The following SLC4A10 variants were observed in gnomAD, a reference collection of about 807,000 sequenced individuals.
SLC4A10 encodes the protein sodium-driven chloride bicarbonate exchanger.
In SLC4A10, 42 loss-of-function variants were observed where a neutral mutation model predicts 137.7. That is an observed-to-expected ratio of 0.30 (90% CI 0.24 to 0.39). SLC4A10 has a LOEUF of 0.39. Ranked by LOEUF, SLC4A10 falls within the 10% of genes least tolerant of loss-of-function variation. The probability of loss-of-function intolerance (pLI) is 1.00; values close to 1 mark genes in which losing one functional copy is unlikely to be tolerated. For synonymous variants in SLC4A10, 474 were observed against 464.1 expected, an observed-to-expected ratio of 1.02 and a Z score of -0.27; for missense variants, 925 against 1,355.0, an observed-to-expected ratio of 0.68 and a Z score of 4.98.
chr2:161,961,440 G>C (rs1459238952), intron 21 of SLC4A10, among the ~76,000 whole-genome samples: 1 of 151,924 alleles, frequency 6.6e-6, no homozygotes, highest in Non-Finnish European at 1.5e-5. Context: ...GATTTAATTT[G>C]CTCATTTAAA....
In SLC4A10 at chr2:161,778,714, T is replaced by C. The variant is rs184915095; in HGVS notation, c.130+7660T>C. 2.1e-3 allele frequency among the ~76,000 whole-genome samples: 314 copies of C among 152,032 alleles called. 2 individuals are homozygous for C. The highest frequency in any genetic ancestry group is 0.01 in the Middle Eastern group (3 of 294). ...GGAATTCATAAAAGTATAACTTTAATGAAAAAGTTAAAATAATAATAAAAT... is the reference window on the plus strand; with the variant it reads ...GGAATTCATAAAAGTATAACTTTAACGAAAAAGTTAAAATAATAATAAAAT... On this transcript the variant is annotated intron_variant, in intron 2 of 26. Coordinates refer to ENST00000446997, the MANE Select transcript of SLC4A10 (RefSeq NM_001178015.2).
At chr2:161,980,334 T>C (rs1203087667) in intron 26 of SLC4A10, among the ~76,000 whole-genome samples, 1 of 151,788 alleles carries the variant, frequency 6.6e-6, no homozygotes, top group Non-Finnish European at 1.5e-5. Context: ...CTCTCATGAC[T>C]TCTTGGAAAT....
intron 15 of SLC4A10, 74 bp downstream of exon 15, chr2:161,905,961 G>C: frequency 8.0e-6 from 12 of 1,496,526 alleles, no homozygotes; most frequent in Non-Finnish European, 1.1e-5. Context: ...AGAAATATGA[G>C]GAAATTACTC....
intron 2 of SLC4A10, among the ~76,000 whole-genome samples, chr2:161,783,403 A>C (rs1266111254): frequency 6.6e-6 from 1 of 151,984 alleles, no homozygotes; most frequent in South Asian, 2.1e-4. Context: ...ACTAAACAGC[A>C]ACAAGATAGC....
intron 6 of SLC4A10, among the ~76,000 whole-genome samples, chr2:161,867,515 A>G (rs1202085555): frequency 6.6e-6 from 1 of 152,058 alleles, no homozygotes; most frequent in Non-Finnish European, 1.5e-5. Context: ...GAAAATCAAG[A>G]TGACATTGTT....
In SLC4A10 at chr2:161,824,903, T is replaced by C. The variant is rs189932032; in HGVS notation, c.278-14886T>C. 3.3e-5 allele frequency among the ~76,000 whole-genome samples: 5 copies of C among 152,286 alleles called. No individual in the cohort carries two copies. The East Asian group carries it at 9.6e-4, about 29-fold the overall frequency. ...CCTCCCCTTCTACCTTTTCTGCCTCTGCCACTCCTGAGATAGCAAGACCAA... is the reference window on the plus strand; with the variant it reads ...CCTCCCCTTCTACCTTTTCTGCCTCCGCCACTCCTGAGATAGCAAGACCAA... On this transcript the variant is annotated intron_variant, in intron 3 of 26. Transcript: ENST00000446997.
rs372896544 is a variant in SLC4A10 at position 161,712,284 on chromosome 2, T to C, written c.49-58689T>C. On this transcript the variant is annotated intron_variant, in intron 1 of 26. Transcript: ENST00000446997. ...GTGCAGATTCTTTGCTTCTCTGTAT[T>C]ACACCAACTACTTTATTCATGACTG... 2.6e-5 allele frequency among the ~76,000 whole-genome samples: 4 copies of C among 151,950 alleles called. No homozygotes were observed. In the South Asian group the frequency reaches 8.3e-4, roughly 32 times the overall value.
At chr2:161,957,466 A>G (rs1464377627) in intron 20 of SLC4A10, among the ~76,000 whole-genome samples, 1 of 152,184 alleles carries the variant, frequency 6.6e-6, no homozygotes, top group Non-Finnish European at 1.5e-5. Context: ...GCAAAGTAAA[A>G]TTTGATGAGT....
intron 15 of SLC4A10, among the ~76,000 whole-genome samples, chr2:161,935,956 T>A (rs1279282988): frequency 6.6e-6 from 1 of 152,130 alleles, no homozygotes; most frequent in Non-Finnish European, 1.5e-5. Flanking sequence ...TTGGGGTACA[T>A]TCCTTCTATG....
chr2:161,924,510 AAATC>A (rs1688714850), intron 15 of SLC4A10, among the ~76,000 whole-genome samples: 1 of 152,186 alleles, frequency 6.6e-6, no homozygotes. Context: ...AAATACAAAT[AAATC>A]TTTAACTTAT....
At chr2:161,787,932 C>T (rs1300400335) in intron 2 of SLC4A10, among the ~76,000 whole-genome samples, 1 of 152,100 alleles carries the variant, frequency 6.6e-6, no homozygotes, top group East Asian at 1.9e-4. Context: ...GGATCCATTG[C>T]TAGAAATCTA....
chr2:161,955,082 T>C (rs1695424382), intron 19 of SLC4A10, among the ~76,000 whole-genome samples: 1 of 152,134 alleles, frequency 6.6e-6, no homozygotes, highest in South Asian at 2.1e-4. Context: ...TACCATAATT[T>C]TGCAAAATAG....
At chr2:161,869,627 A>G (rs2060983786) in intron 6 of SLC4A10, among the ~76,000 whole-genome samples, 1 of 151,584 alleles carries the variant, frequency 6.6e-6, no homozygotes, top group Non-Finnish European at 1.5e-5. Flanking sequence ...ATCGTTCTAT[A>G]TACTACCAAG....
chr2:161,640,480 A>C (rs1293692074), intron 1 of SLC4A10, among the ~76,000 whole-genome samples: 1 of 152,182 alleles, frequency 6.6e-6, no homozygotes, highest in African/African-American at 2.4e-5. Flanking sequence ...CCTCAATGGT[A>C]TTTAACAAAC....
At chr2:161,875,588 G>C (rs1466580266) in intron 8 of SLC4A10, among the ~76,000 whole-genome samples, 2 of 152,130 alleles carry the variant, frequency 1.3e-5, no homozygotes, top group African/African-American at 4.8e-5. Flanking sequence ...ATGTGTCAAA[G>C]CAATATTTGT....
chr2:161,719,893 G>A (rs1400211169), intron 1 of SLC4A10, among the ~76,000 whole-genome samples: 2 of 152,134 alleles, frequency 1.3e-5, no homozygotes, highest in African/African-American at 4.8e-5. Flanking sequence ...AAGCTCTTTA[G>A]TTTAATTAGA....
At chr2:161,948,410 A>T (rs147282251) in intron 17 of SLC4A10, among the ~76,000 whole-genome samples, 76 of 152,256 alleles carry the variant, frequency 5.0e-4, no homozygotes, top group African/African-American at 1.7e-3. Flanking sequence ...TTCTTCTCTA[A>T]GGTGGAAGAT....
intron 3 of SLC4A10, among the ~76,000 whole-genome samples, chr2:161,828,806 A>ATGTG (rs1298212909): frequency 6.7e-5 from 8 of 120,174 alleles, no homozygotes; most frequent in African/African-American, 1.6e-4. Flanking sequence ...ATATATATAT[A>ATGTG]TATGTATAAT....
At chr2:161,627,752 T>G (rs2032720081) in intron 1 of SLC4A10, among the ~76,000 whole-genome samples, 1 of 152,134 alleles carries the variant, frequency 6.6e-6, no homozygotes, top group Non-Finnish European at 1.5e-5. Flanking sequence ...TGGCTAAGTG[T>G]ATAGTCTGGT....
Sources: allele counts gnomAD v4.1 joint callset (sites outside exome capture counted in the v4.1 genomes callset), GRCh38; gene constraint gnomAD v4.1.1; transcripts MANE v1.5; gene names NCBI Gene and HGNC (gene_info 2026-07-23, HGNC 2026-07-21).